ULK2: variants seen among roughly 807,000 people sequenced by gnomAD.
ULK2 encodes unc-51 like autophagy activating kinase 2.
A neutral mutation model predicts 127.5 loss-of-function variants in ULK2; 76 were observed. The ratio of observed to expected loss-of-function variants is 0.60; its 90% CI spans 0.50 to 0.72. ULK2 has a LOEUF of 0.72. Among genes scored for constraint, ULK2 ranks in the 30% least tolerant of loss-of-function variants. ULK2 has a pLI of 0.00. For missense variants in ULK2, 1,144 were observed against 1,295.9 expected (o/e 0.88, Z 1.80); for synonymous variants, 452 against 461.9 (o/e 0.98, Z 0.28).
At chr17:19,858,081 T>G (rs1490240980) in intron 3 of ULK2, among the ~76,000 whole-genome samples, 1 of 152,082 alleles carries the variant, frequency 6.6e-6, no homozygotes, top group African/African-American at 2.4e-5. Flanking sequence ...GAGCTCTCCC[T>G]TACAGCACTT....
chr17:19,796,346 A>AC, intron 18 of ULK2, 64 bp from the exon 19 acceptor site: 1 of 1,409,566 alleles, frequency 7.1e-7, no homozygotes. Context: ...ACTATTCAGT[A>AC]CTGGCAGGTT....
intron 1 of ULK2, among the ~76,000 whole-genome samples, chr17:19,866,902 G>A (rs752001811): frequency 1.3e-5 from 2 of 152,136 alleles, no homozygotes; most frequent in African/African-American, 2.4e-5. Flanking sequence ...TGAGGCTAAT[G>A]GGACATCCGC....
At chr17:19,777,534 C>T (rs779402985) in intron 26 of ULK2, 47 bp downstream of exon 26, 1 of 1,562,662 alleles carries the variant, frequency 6.4e-7, no homozygotes, top group Non-Finnish European at 8.6e-7. Context: ...TTGTGATAGA[C>T]AACTAAAATG....
chr17:19,824,783 G>A (rs1440641731), intron 12 of ULK2, among the ~76,000 whole-genome samples: 1 of 152,116 alleles, frequency 6.6e-6, no homozygotes, highest in Admixed American at 6.6e-5. Flanking sequence ...CACCTGTAAT[G>A]GGTACTCTGT....
intron 10 of ULK2, among the ~76,000 whole-genome samples, chr17:19,828,533 A>T (rs555271634): frequency 3.3e-5 from 5 of 152,352 alleles, no homozygotes; most frequent in African/African-American, 1.2e-4. Flanking sequence ...ATATGAATTC[A>T]GTAACTTTAG....
chr17:19,795,999 G>C, intron 19 of ULK2, 96 bp downstream of exon 19: 4 of 1,487,372 alleles, frequency 2.7e-6, no homozygotes, highest in Non-Finnish European at 2.7e-6. Flanking sequence ...TAAATCACCC[G>C]CTACACTAAT....
chr17:19,783,255 C>T (rs1268300379), intron 22 of ULK2, among the ~76,000 whole-genome samples: 2 of 151,582 alleles, frequency 1.3e-5, no homozygotes, highest in Non-Finnish European at 2.9e-5. Context: ...GTTCGAGACC[C>T]GCCTGGCCAA....
chr17:19,783,322 G>A (rs1466148053), intron 22 of ULK2, among the ~76,000 whole-genome samples: 3 of 152,064 alleles, frequency 2.0e-5, no homozygotes, highest in African/African-American at 7.2e-5. Flanking sequence ...ATGGTGGCGT[G>A]TGCCTGTAAT....
intron 16 of ULK2, among the ~76,000 whole-genome samples, chr17:19,800,821 A>G (rs1431212113): frequency 1.3e-5 from 2 of 152,032 alleles, no homozygotes; most frequent in African/African-American, 4.8e-5. Flanking sequence ...CCACCACCTC[A>G]GTGCTGCCTC....
chr17:19,865,079 C>T (rs2042325011), intron 2 of ULK2, among the ~76,000 whole-genome samples: 1 of 152,122 alleles, frequency 6.6e-6, no homozygotes, highest in Admixed American at 6.5e-5. Context: ...AAAAAGAGCT[C>T]TCCACAGGAA....
chr17:19,818,797 C>CTTTTTTTTTTTTTTTTTTTTTTTTTTT (rs71157835), intron 12 of ULK2, among the ~76,000 whole-genome samples: 2 of 77,774 alleles, frequency 2.6e-5, no homozygotes, highest in African/African-American at 4.7e-5. Context: ...TTTCTTTTTT[C>CTTTTTTTTTTTTTTTTTTTTTTTTTTT]TTTTTTTTTT....
intron 11 of ULK2, among the ~76,000 whole-genome samples, chr17:19,825,877 T>C (rs1247708003): frequency 2.0e-5 from 3 of 150,872 alleles, no homozygotes; most frequent in Non-Finnish European, 2.9e-5. Context: ...TCCCAGCTAC[T>C]CCAGAGGCTG....
intron 18 of ULK2, among the ~76,000 whole-genome samples, chr17:19,796,965 G>A (rs990009991): frequency 1.4e-4 from 21 of 152,116 alleles, no homozygotes; most frequent in African/African-American, 4.6e-4. Flanking sequence ...AAGTACTTAC[G>A]CTGCATCTGG....
At chr17:19,830,903 T>C (rs1044533144) in intron 10 of ULK2, among the ~76,000 whole-genome samples, 4 of 152,002 alleles carry the variant, frequency 2.6e-5, no homozygotes, top group Non-Finnish European at 4.4e-5. Context: ...GGCACGCAGC[T>C]GTAATTCCCG....
chr17:19,792,686 C>T (rs948058829), intron 20 of ULK2, among the ~76,000 whole-genome samples: 6 of 152,108 alleles, frequency 3.9e-5, no homozygotes, highest in African/African-American at 1.4e-4. Context: ...GATGCCACTG[C>T]ACTCTAGCCT....
Position 19,773,754 on chromosome 17 carries a change from A to T in ULK2, c.*2595T>A, listed in dbSNP as rs1192510500. On this transcript the variant is annotated 3_prime_UTR_variant, in exon 27 of 27. Transcript: ENST00000395544. ...CAGAAGGGGGCGTGGGGACCCAGAC[A>T]CTTAAGATGCATGGGTTTGGGGTAC... The T allele has an allele frequency of 6.6e-6, 1 of 152,152 alleles. No individual in the cohort carries two copies. The highest frequency in any genetic ancestry group is 1.9e-4 in the East Asian group (1 of 5,174). The allele number at this position is 152,152 out of a possible 1,614,324, so 9.4% of individuals were successfully genotyped here.
chr17:19,815,532 C>T (rs1350277185), intron 13 of ULK2, among the ~76,000 whole-genome samples: 2 of 152,208 alleles, frequency 1.3e-5, no homozygotes, highest in African/African-American at 4.8e-5. Context: ...CTGCCCACCT[C>T]GGCCTCCCAA....
intron 13 of ULK2, among the ~76,000 whole-genome samples, chr17:19,811,572 G>T (rs1212840630): frequency 6.6e-6 from 1 of 151,976 alleles, no homozygotes; most frequent in Non-Finnish European, 1.5e-5. Flanking sequence ...CTCCCAAGTA[G>T]CTGGGATTAC....
rs2086808505 is a variant in ULK2, at chr17:19,776,182, T to C, written c.*167A>G. 1.6e-5 allele frequency: 9 copies of C among 576,872 alleles called. No homozygotes were observed. In the Admixed American group the frequency reaches 3.1e-4, roughly 20 times the overall value. 35.7% of individuals were successfully genotyped at this position (576,872 alleles called of 1,614,324 possible). A position where few individuals can be genotyped will look rare whatever the true frequency, so the allele number is the denominator to read the frequency against. On this transcript the variant is annotated 3_prime_UTR_variant, in exon 27 of 27. Transcript: ENST00000395544. The stretch of plus-strand genomic sequence containing the variant: ...TCCAATAAGGCAGATTTCCTACAAA[T>C]ATGTAGTTTTTGGATTGTTTTTCCT...
Sources: allele counts gnomAD v4.1 joint callset (sites outside exome capture counted in the v4.1 genomes callset), GRCh38; gene constraint gnomAD v4.1.1; transcripts MANE v1.5; gene names NCBI Gene and HGNC (gene_info 2026-07-23, HGNC 2026-07-21).